Variants in ADGRL3 observed in about 807,000 individuals in gnomAD.
ADGRL3 encodes the protein calcium-independent alpha-latrotoxin receptor 3.
In ADGRL3, 62 loss-of-function variants were observed where a neutral mutation model predicts 153.5. The observed-to-expected ratio is 0.40, with a 90% CI of 0.33 to 0.50. The LOEUF (loss-of-function observed/expected upper bound fraction) is 0.50, where lower values mean the gene tolerates loss of function less well. Ranked by LOEUF, ADGRL3 falls within the 20% of genes least tolerant of loss-of-function variation. The pLI is 0.47. For missense variants in ADGRL3, 1,641 were observed against 1,859.4 expected (o/e 0.88, Z 2.16); for synonymous variants, 710 against 672.5 (o/e 1.06, Z -0.86).
chr4:61,939,982 A>C (rs1277061590), intron 15 of ADGRL3, among the ~76,000 whole-genome samples: 2 of 148,260 alleles, frequency 1.3e-5, no homozygotes, highest in Non-Finnish European at 3.0e-5. Context: ...CACATTGTGC[A>C]GGTTAGTTAC....
In ADGRL3 at chr4:61,634,291, T is replaced by C. The variant is rs114995947; in HGVS notation, c.474-42535T>C. On this transcript the variant is annotated intron_variant, in intron 5 of 26. Coordinates refer to ENST00000683033, the MANE Select transcript of ADGRL3 (RefSeq NM_001387552.1). ...CACAAAAATGAAGCAAGTGTTAGTA[T>C]ACTGAGAAGTAAAAACAGTGTACTA... Among the ~76,000 whole-genome samples the C allele has an allele frequency of 4.1e-3, 626 of 152,264 alleles. 9 individuals are homozygous for C. Among genetic ancestry groups the C allele is most frequent in the African/African-American group, 0.012 (492 of 41,552 alleles).
chr4:61,813,685 T>C, intron 8 of ADGRL3, 124 bp from the exon 9 acceptor site: 2 of 1,084,194 alleles, frequency 1.8e-6, no homozygotes, highest in Non-Finnish European at 2.6e-6. Context: ...GGCAGATATG[T>C]CTACTCTTTA....
chr4:61,571,614 C>T (rs1381450197), intron 4 of ADGRL3, among the ~76,000 whole-genome samples: 3 of 152,110 alleles, frequency 2.0e-5, no homozygotes, highest in African/African-American at 7.2e-5. Context: ...TTAAGGCCCC[C>T]AGATGGCTCT....
intron 5 of ADGRL3, among the ~76,000 whole-genome samples, chr4:61,655,689 T>A (rs2094424866): frequency 6.6e-6 from 1 of 152,116 alleles, no homozygotes; most frequent in Admixed American, 6.5e-5. Flanking sequence ...ATTCAAAAAG[T>A]TTTCTAATCA....
intron 9 of ADGRL3, among the ~76,000 whole-genome samples, chr4:61,827,163 A>T (rs1266557766): frequency 6.6e-6 from 1 of 152,230 alleles, no homozygotes; most frequent in African/African-American, 2.4e-5. Context: ...CCTGGGGTTA[A>T]AGCCTTTGCT....
chr4:61,755,159 G>T (rs1320511657), intron 8 of ADGRL3, among the ~76,000 whole-genome samples: 1 of 152,118 alleles, frequency 6.6e-6, no homozygotes, highest in Non-Finnish European at 1.5e-5. Flanking sequence ...GGGTCAAATG[G>T]TATTTCTAGT....
At chr4:61,452,301 A>G (rs1035346214) in intron 2 of ADGRL3, among the ~76,000 whole-genome samples, 43 of 152,032 alleles carry the variant, frequency 2.8e-4, no homozygotes, top group African/African-American at 9.7e-4. Context: ...TATACTCGTA[A>G]CAGTTCATCC....
intron 17 of ADGRL3, among the ~76,000 whole-genome samples, chr4:61,953,863 A>G (rs2098956481): frequency 1.3e-5 from 2 of 152,204 alleles, no homozygotes; most frequent in African/African-American, 4.8e-5. Context: ...CACGTTCTTC[A>G]GTTTGCCTTG....
In ADGRL3 at chr4:61,209,476, T is replaced by TA. The variant is rs201945199; in HGVS notation, c.-240+7713dup. Among the ~76,000 whole-genome samples the TA allele has an allele frequency of 9.8e-3, 1,500 of 152,290 alleles. 19 individuals carry two copies. Among genetic ancestry groups the TA allele is most frequent in the African/African-American group, 0.034 (1,434 of 41,578 alleles). ...TAGAAATGTCCTTGAGTACCATTATTAAGAAAACGTAGCTAAATCAAATAT... is the reference window on the plus strand; with the variant it reads ...TAGAAATGTCCTTGAGTACCATTATTAAAGAAAACGTAGCTAAATCAAATAT... On this transcript the variant is annotated intron_variant, in intron 1 of 26. Coordinates refer to ENST00000683033, the MANE Select transcript of ADGRL3 (RefSeq NM_001387552.1).
At chr4:61,817,751 A>G (rs76059496) in intron 9 of ADGRL3, among the ~76,000 whole-genome samples, 2 of 152,342 alleles carry the variant, frequency 1.3e-5, no homozygotes, top group East Asian at 1.9e-4. Flanking sequence ...TGAAAGGCAT[A>G]TCTTATGTGG....
At chr4:61,696,659 T>G (rs963448822) in intron 6 of ADGRL3, among the ~76,000 whole-genome samples, 2 of 149,312 alleles carry the variant, frequency 1.3e-5, no homozygotes, top group African/African-American at 2.5e-5. Context: ...CTAAGTTCCT[T>G]TTTTTTTAAC....
intron 1 of ADGRL3, among the ~76,000 whole-genome samples, chr4:61,255,399 C>T (rs769739655): frequency 1.2e-4 from 18 of 151,896 alleles, no homozygotes; most frequent in South Asian, 2.1e-4. Flanking sequence ...TTTTCTTCTC[C>T]GCTGTATGGA....
chr4:61,525,587 G>A (rs1380699879), intron 4 of ADGRL3, among the ~76,000 whole-genome samples: 1 of 152,100 alleles, frequency 6.6e-6, no homozygotes, highest in Non-Finnish European at 1.5e-5. Flanking sequence ...GATAGAGTGG[G>A]ACTTAAAAGT....
At chr4:61,702,736 A>C (rs1408676535) in intron 6 of ADGRL3, among the ~76,000 whole-genome samples, 1 of 152,154 alleles carries the variant, frequency 6.6e-6, no homozygotes, top group Non-Finnish European at 1.5e-5. Flanking sequence ...TATTGTGTCC[A>C]ACTCATTGGC....
At chr4:61,420,073 A>G (rs112670679) in intron 2 of ADGRL3, among the ~76,000 whole-genome samples, 3,590 of 152,234 alleles carry the variant, frequency 0.024, 137 homozygotes, top group African/African-American at 0.081. Flanking sequence ...AAGTGCTGAG[A>G]TTACAGGCGT....
chr4:61,291,097 C>T (rs956046971), intron 1 of ADGRL3, among the ~76,000 whole-genome samples: 1 of 150,260 alleles, frequency 6.7e-6, no homozygotes, highest in East Asian at 2.0e-4. Context: ...AAGACATTTT[C>T]GATGTTTATT....
At chr4:61,242,598 T>A (rs1216396045) in intron 1 of ADGRL3, among the ~76,000 whole-genome samples, 7 of 152,042 alleles carry the variant, frequency 4.6e-5, no homozygotes, top group Non-Finnish European at 1.0e-4. Context: ...TTTGGGTATA[T>A]CAGTAAGGAG....
At chr4:61,595,040 G>C (rs993435904) in intron 5 of ADGRL3, among the ~76,000 whole-genome samples, 3 of 152,170 alleles carry the variant, frequency 2.0e-5, no homozygotes, top group Admixed American at 2.0e-4. Context: ...AATGTTGCCA[G>C]GCCTGGAACT....
At chr4:61,424,833 A>C (rs148847527) in intron 2 of ADGRL3, among the ~76,000 whole-genome samples, 97 of 152,266 alleles carry the variant, frequency 6.4e-4, no homozygotes, top group African/African-American at 2.3e-3. Context: ...CACCTGCTCC[A>C]GGGATGGTCA....
Sources: gnomAD v4.1 joint callset for allele counts (sites outside exome capture counted in the v4.1 genomes callset) on GRCh38, gnomAD v4.1.1 for gene constraint, MANE v1.5 for transcripts, NCBI Gene and HGNC (gene_info 2026-07-23, HGNC 2026-07-21) for gene names.